Variants in MMP11 observed in about 807,000 individuals in gnomAD.
MMP11 encodes the protein matrix metallopeptidase 11.
Under a neutral mutation model 49.5 loss-of-function variants are expected in MMP11, and 26 were observed. That is an observed-to-expected ratio of 0.52 (90% CI 0.38 to 0.73). The LOEUF is 0.73. MMP11 is among the 30% of genes least tolerant of loss of function. The pLI is 0.00. For synonymous variants in MMP11, 265 were observed against 282.3 expected, an observed-to-expected ratio of 0.94 and a Z score of 0.62; for missense variants, 624 against 671.2, an observed-to-expected ratio of 0.93 and a Z score of 0.78.
chr22:23,781,253 G>T lies in MMP11; in HGVS notation c.919G>T (p.Glu307Ter). Residue 307 changes from glutamate (E) to a stop codon, truncating the protein, a stop_gained, in exon 6 of 8, where the codon GAG becomes TAG. Transcript: ENST00000215743. LOFTEE classifies it high-confidence loss of function. ...SFDAVSTIRG[E>*]LFFFKAGFVW... ...TGACGCGGTCTCCACCATCCGAGGC[G>T]AGCTCTTTTTCTTCAAAGCGGGCTT... 6.2e-7 allele frequency: 1 copy of T among 1,611,646 alleles called. No homozygotes were observed.
chr22:23,780,225 C>T lies in MMP11; in HGVS notation c.339-134C>T, dbSNP rs1927565409. The T allele has an allele frequency of 1.8e-6, 2 of 1,103,014 alleles. No individual in the cohort carries two copies. Among genetic ancestry groups the T allele is most frequent in the East Asian group, 5.1e-5 (2 of 39,562 alleles). 68.3% of individuals were successfully genotyped at this position (1,103,014 alleles called of 1,614,324 possible). A position where few individuals can be genotyped will look rare whatever the true frequency, so the allele number is the denominator to read the frequency against. On this transcript the variant is annotated intron_variant, in intron 2 of 7. Coordinates refer to ENST00000215743, the MANE Select transcript of MMP11 (RefSeq NM_005940.5). This position sits in a 1 kb window ranked among gnomAD's most constrained non-coding sequence, Gnocchi z 4.6. ...GGCCAGGGAGACCAGTGCGCTGAAG[C>T]TGAGGCCCAGAGTACACCTGGCCTG...
chr22:23,781,072 T>C lies in MMP11; in HGVS notation c.830T>C (p.Ile277Thr). 6.2e-7 allele frequency: 1 copy of C among 1,609,484 alleles called. No individual in the cohort carries two copies. Among genetic ancestry groups the C allele is most frequent in the Non-Finnish European group, 8.5e-7 (1 of 1,179,928 alleles). ...RTPALGPQAG[I>T]DTNEIAPLEP... is the part of the protein sequence containing the mutation. ...CCAGCCCTGGGCCCCCAGGCTGGGA[T>C]AGACACCAATGAGATTGCACCGCTG... is the stretch of plus-strand genomic sequence containing the variant. The change falls in exon 5 of 8, where the codon ATA becomes ACA. Residue 277 changes from isoleucine to threonine, a missense_variant. Ile to Thr is a moderately conservative substitution (Grantham distance 89). Coordinates refer to ENST00000215743, the MANE Select transcript of MMP11 (RefSeq NM_005940.5).
chr22:23,783,839 AT>A lies in MMP11; in HGVS notation c.*296del, dbSNP rs921621098. On this transcript the variant is annotated 3_prime_UTR_variant, in exon 8 of 8. Transcript: ENST00000215743. ...TGGCAAACCTGGCTGCCCTGTCTCC[AT>A]CCCTGTCCCTCAGGGTAGCACCATG... The A allele has an allele frequency of 2.2e-6, 1 of 461,238 alleles. No homozygotes were observed. Among genetic ancestry groups the A allele is most frequent in the Non-Finnish European group, 4.0e-6 (1 of 248,864 alleles). 28.6% of individuals were successfully genotyped at this position (461,238 alleles called of 1,614,324 possible). A position where few individuals can be genotyped will look rare whatever the true frequency, so the allele number is the denominator to read the frequency against.
intron 1 of MMP11, among the ~76,000 whole-genome samples, chr22:23,776,600 G>T (rs1927418622): frequency 6.6e-6 from 1 of 152,196 alleles, no homozygotes; most frequent in Non-Finnish European, 1.5e-5. Context: ...GCAGAGCAGA[G>T]GTAGCAGGGA....
chr22:23,779,674 T>A, intron 2 of MMP11: 1 of 544,904 alleles, frequency 1.8e-6, no homozygotes, highest in Non-Finnish European at 3.3e-6. Context: ...AGCACATGCC[T>A]GCGGACGGGT....
At chr22:23,779,952 G>A (rs970690579) in intron 2 of MMP11, 3 of 265,048 alleles carry the variant, frequency 1.1e-5, no homozygotes, top group South Asian at 6.1e-5. Context: ...CATCCTGCGG[G>A]TGGGGACCCA....
At chr22:23,773,060 G>T (rs2145934830) in intron 1 of MMP11, 82 bp downstream of exon 1, 3 of 1,104,822 alleles carry the variant, frequency 2.7e-6, no homozygotes, top group Non-Finnish European at 1.1e-6. Context: ...GATCCGGACC[G>T]AAGGGGGCGC....
chr22:23,783,486 C>T lies in MMP11; in HGVS notation c.1409C>T (p.Pro470Leu). The T allele has an allele frequency of 1.2e-6, 2 of 1,614,216 alleles. No homozygotes were observed. The highest frequency in any genetic ancestry group is 1.1e-5 in the South Asian group (1 of 91,080). ...PVKVKALEGF[P>L]RLVGPDFFGC... The stretch of plus-strand genomic sequence containing the variant: ...AAGGTGAAGGCTCTGGAAGGCTTCC[C>T]CCGTCTCGTGGGTCCTGACTTCTTT... The change falls in exon 8 of 8, where the codon CCC becomes CTC. Residue 470 changes from proline (P) to leucine (L), a missense_variant. Transcript: ENST00000215743.
At position 23,779,272 on chromosome 22, in the gene MMP11, C is replaced by T. The variant is rs563971507; in HGVS notation, c.194C>T (p.Thr65Met). 79 of 1,609,804 alleles carry T rather than the reference C, an allele frequency of 4.9e-5. No individual in the cohort carries two copies. In the African/African-American group the frequency reaches 6.5e-4, roughly 13 times the overall value. The stretch of plus-strand genomic sequence containing the variant: ...AGTAGCCCGGCACCTGCCCCTGCCA[C>T]GCAGGAAGCCCCCCGGCCTGCCAGC... ...LPSSPAPAPA[T>M]QEAPRPASSL... Residue 65 changes from threonine to methionine, a missense_variant, in exon 2 of 8, where the codon ACG (threonine) becomes ATG (methionine). Transcript: ENST00000215743.
chr22:23,780,582 G>C lies in MMP11; in HGVS notation c.483G>C (p.Arg161Ser), dbSNP rs771546127. ...TGACCCCGCCCCCACCCATCTGTAG[G>C]TACTGGCATGGGGACGACCTGCCGT... is the stretch of plus-strand genomic sequence containing the variant. The part of the protein sequence containing the change: ...GRADIMIDFA[R>S]YWHGDDLPFD... The change falls in exon 4 of 8, where the codon AGG becomes AGC. Residue 161 changes from arginine (R) to serine (S), a missense_variant and splice_region_variant. By Grantham distance (110) the Arg-to-Ser change is moderately radical. Coordinates refer to ENST00000215743, the MANE Select transcript of MMP11 (RefSeq NM_005940.5). The surrounding 1 kb of genome is among the most constrained non-coding windows in gnomAD (Gnocchi z 4.6). The C allele has an allele frequency of 1.9e-6, 3 of 1,605,958 alleles. No homozygotes were observed. Among genetic ancestry groups the C allele is most frequent in the Non-Finnish European group, 2.6e-6 (3 of 1,175,282 alleles).
chr22:23,777,271 A>T (rs1927444092), intron 1 of MMP11, among the ~76,000 whole-genome samples: 1 of 136,258 alleles, frequency 7.3e-6, no homozygotes, highest in African/African-American at 3.5e-5. Flanking sequence ...AAATACAAAA[A>T]TTAGCCAGGC....
rs144394718 is a variant in MMP11 at position 23,783,493 on chromosome 22, C to T, written c.1416C>T (p.Leu472=). 4.2e-4 allele frequency: 683 copies of T among 1,614,222 alleles called. 1 individual carries two copies. Among genetic ancestry groups the T allele is most frequent in the Admixed American group, 1.2e-3 (72 of 60,024 alleles). The change falls in exon 8 of 8, where the codon CTC becomes CTT. Residue 472 remains leucine, a synonymous_variant. Transcript: ENST00000215743. The stretch of plus-strand genomic sequence containing the variant: ...AGGCTCTGGAAGGCTTCCCCCGTCT[C>T]GTGGGTCCTGACTTCTTTGGCTGTG... ...KVKALEGFPR[L]VGPDFFGCAE... is the part of the protein sequence containing the mutation.
At chr22:23,781,588 C>T (rs1005927296) in intron 6 of MMP11, 179 bp downstream of exon 6, 25 of 652,976 alleles carry the variant, frequency 3.8e-5, no homozygotes, top group Admixed American at 1.1e-4. Context: ...AGGAGGTTCT[C>T]GGAGGTGGCT....
intron 1 of MMP11, 98 bp from the exon 2 acceptor site, chr22:23,779,089 C>T (rs1927515000): frequency 2.1e-6 from 2 of 964,708 alleles, no homozygotes. Flanking sequence ...ACACAGTGGG[C>T]TGGGGTTGCA....
Position 23,783,470 on chromosome 22 carries a change from G to A in MMP11, c.1393G>A (p.Ala465Thr), listed in dbSNP as rs914572908. 8.1e-6 allele frequency: 13 copies of A among 1,614,180 alleles called. No homozygotes were observed. The highest frequency in any genetic ancestry group is 5.3e-5 in the African/African-American group (4 of 75,058). Residue 465 changes from alanine (A) to threonine (T), a missense_variant, in exon 8 of 8, where the codon GCT becomes ACT. Ala to Thr is a moderately conservative substitution (Grantham distance 58, BLOSUM62 0). Transcript: ENST00000215743. ...YWKFDPVKVK[A>T]LEGFPRLVGP... ...GAAGTTTGACCCTGTGAAGGTGAAG[G>A]CTCTGGAAGGCTTCCCCCGTCTCGT...
Position 23,780,334 on chromosome 22 carries a change from C to G in MMP11, c.339-25C>G. On this transcript the variant is annotated intron_variant, in intron 2 of 7. Coordinates refer to ENST00000215743, the MANE Select transcript of MMP11 (RefSeq NM_005940.5). This position sits in a 1 kb window ranked among gnomAD's most constrained non-coding sequence, Gnocchi z 4.6. Reference sequence around the variant, plus strand: ...ATCGGGGGCTGTCCCTTCCCTGAGGCCCAGGCCCCTCCATCTCCCTCCAGG... The same window carrying G: ...ATCGGGGGCTGTCCCTTCCCTGAGGGCCAGGCCCCTCCATCTCCCTCCAGG... The G allele has an allele frequency of 1.2e-6, 2 of 1,612,096 alleles. No individual in the cohort carries two copies. The highest frequency in any genetic ancestry group is 1.7e-6 in the Non-Finnish European group (2 of 1,179,996).
Position 23,783,737 on chromosome 22 carries a change from C to A in MMP11, c.*193C>A. On this transcript the variant is annotated 3_prime_UTR_variant, in exon 8 of 8. Transcript: ENST00000215743. ...CACGCAGGTCGTGGTCACCTGCCAGCGACTGTCTCAGACTGGGCAGGGAGG... is the reference window on the plus strand; with the variant it reads ...CACGCAGGTCGTGGTCACCTGCCAGAGACTGTCTCAGACTGGGCAGGGAGG... 1 of 698,142 alleles carries A rather than the reference C, an allele frequency of 1.4e-6. No individual in the cohort carries two copies. Among genetic ancestry groups the A allele is most frequent in the East Asian group, 2.7e-5 (1 of 36,530 alleles). 43.2% of individuals were successfully genotyped at this position (698,142 alleles called of 1,614,324 possible). A position where few individuals can be genotyped will look rare whatever the true frequency, so the allele number is the denominator to read the frequency against.
At position 23,783,563 on chromosome 22, in the gene MMP11, CA is replaced by C. The variant is rs747119910; in HGVS notation, c.*20del. The C allele has an allele frequency of 8.7e-6, 14 of 1,613,626 alleles. No homozygotes were observed. The highest frequency in any genetic ancestry group is 4.0e-5 in the African/African-American group (3 of 74,930). ...CCTCTGACCATGGCTTGGATGCCCTCAGGGGTGCTGACCCCTGCCAGGCCAC... is the reference window on the plus strand; with the variant it reads ...CCTCTGACCATGGCTTGGATGCCCTCGGGGTGCTGACCCCTGCCAGGCCAC... On this transcript the variant is annotated 3_prime_UTR_variant, in exon 8 of 8. Transcript: ENST00000215743.
In MMP11 at chr22:23,781,279, T is replaced by C; in HGVS notation, c.945T>C (p.Phe315=). Residue 315 remains phenylalanine, a synonymous_variant, in exon 6 of 8, where the codon TTT becomes TTC. Coordinates refer to ENST00000215743, the MANE Select transcript of MMP11 (RefSeq NM_005940.5). The part of the protein sequence containing the change: ...RGELFFFKAG[F]VWRLRGGQLQ... ...AGCTCTTTTTCTTCAAAGCGGGCTT[T>C]GTGTGGCGCCTCCGTGGGGGCCAGC... 1 of 1,612,222 alleles carries C rather than the reference T, an allele frequency of 6.2e-7. No individual in the cohort carries two copies. Among genetic ancestry groups the C allele is most frequent in the Non-Finnish European group, 8.5e-7 (1 of 1,180,028 alleles).
Sources: gnomAD v4.1 joint callset for allele counts (sites outside exome capture counted in the v4.1 genomes callset) on GRCh38, gnomAD v4.1.1 for gene constraint, Gnocchi (gnomAD v3.1) non-coding constraint, MANE v1.5 for transcripts, NCBI Gene and HGNC (gene_info 2026-07-23, HGNC 2026-07-21) for gene names.